Variants in ZNF710 observed in about 807,000 individuals in gnomAD.
ZNF710 encodes the protein zinc finger protein 710.
Under a neutral mutation model 50.6 loss-of-function variants are expected in ZNF710, and 13 were observed. The ratio of observed to expected loss-of-function variants is 0.26; its 90% CI spans 0.17 to 0.41. ZNF710 has a LOEUF of 0.41. Ranked by LOEUF, ZNF710 falls within the 10% of genes least tolerant of loss-of-function variation. The pLI is 1.00. For missense variants in ZNF710, 721 were observed against 936.6 expected, an observed-to-expected ratio of 0.77 and a Z score of 3.01; for synonymous variants, 383 against 397.0, an observed-to-expected ratio of 0.96 and a Z score of 0.42.
intron 1 of ZNF710, among the ~76,000 whole-genome samples, chr15:90,058,876 C>G (rs1354136010): frequency 1.3e-5 from 2 of 152,128 alleles, no homozygotes; most frequent in Non-Finnish European, 2.9e-5. Context: ...AATTCTTTCT[C>G]TGGGAAGCCT....
chr15:90,044,136 A>T (rs2151499086), intron 1 of ZNF710, among the ~76,000 whole-genome samples: 2 of 152,234 alleles, frequency 1.3e-5, no homozygotes, highest in South Asian at 4.1e-4. Context: ...TTAAAGAGGG[A>T]AGGGTGTTTG....
intron 1 of ZNF710, among the ~76,000 whole-genome samples, chr15:90,041,722 C>T (rs1440287324): frequency 5.9e-5 from 9 of 151,938 alleles, no homozygotes; most frequent in Admixed American, 2.0e-4. Context: ...AGGGCAGGAC[C>T]GAGTCTTGTG....
chr15:90,001,804 C>T (rs996150550), intron 1 of ZNF710, among the ~76,000 whole-genome samples, 190 bp downstream of exon 1: 1 of 146,408 alleles, frequency 6.8e-6, no homozygotes, highest in Non-Finnish European at 1.5e-5. Context: ...CTTTTCCTTT[C>T]ACTTCCACAT....
intron 1 of ZNF710, among the ~76,000 whole-genome samples, chr15:90,048,549 G>T (rs563415761): frequency 6.6e-6 from 1 of 152,306 alleles, no homozygotes; most frequent in East Asian, 1.9e-4. Context: ...GCAGGGTGGG[G>T]GTCCCATTCT....
In ZNF710 at chr15:90,011,810, T is replaced by A. The variant is rs1287286179; in HGVS notation, c.-29+10196T>A. On this transcript the variant is annotated intron_variant, in intron 1 of 4. Coordinates refer to ENST00000268154, the MANE Select transcript of ZNF710 (RefSeq NM_198526.4). ...TATATAATAATGGCTTCATCCTTAC[T>A]CTTAAAAGATAGTTTTGCTGGGTAT... is the stretch of plus-strand genomic sequence containing the variant. 2.0e-5 allele frequency among the ~76,000 whole-genome samples: 3 copies of A among 152,320 alleles called. No homozygotes were observed. The East Asian group carries it at 5.8e-4, about 29-fold the overall frequency.
intron 3 of ZNF710, 41 bp downstream of exon 3, chr15:90,073,303 G>C (rs1048787380): frequency 9.4e-6 from 15 of 1,592,238 alleles, no homozygotes; most frequent in Non-Finnish European, 1.2e-5. Flanking sequence ...CCTCCCCGAG[G>C]GTGGTCTGGA....
At chr15:90,003,117 G>C (rs1898056694) in intron 1 of ZNF710, among the ~76,000 whole-genome samples, 1 of 152,068 alleles carries the variant, frequency 6.6e-6, no homozygotes, top group African/African-American at 2.4e-5. Context: ...CTCGTGATCC[G>C]CCCGCCCCGG....
intron 1 of ZNF710, among the ~76,000 whole-genome samples, chr15:90,046,667 C>T (rs903868483): frequency 7.2e-5 from 11 of 152,036 alleles, no homozygotes; most frequent in South Asian, 4.1e-4. Context: ...TCTGAAGCCC[C>T]GTGATATGGT....
intron 1 of ZNF710, among the ~76,000 whole-genome samples, chr15:90,019,593 C>T (rs1445099390): frequency 6.6e-6 from 1 of 152,208 alleles, no homozygotes; most frequent in Admixed American, 6.5e-5. Context: ...ACCTCTGTTT[C>T]CTAATGTTTC....
rs1900055503 is a variant in ZNF710 at position 90,062,924 on chromosome 15, AAG to A, written c.-28-4181_-28-4180del. ...GGGGCCTGCCCCCATAAGCCTCACAAAGAGAGCATTACAGGGTGGTGTGTGTT... is the reference window on the plus strand; with the variant it reads ...GGGGCCTGCCCCCATAAGCCTCACAAAGAGCATTACAGGGTGGTGTGTGTT... On this transcript the variant is annotated intron_variant, in intron 1 of 4. Coordinates refer to ENST00000268154, the MANE Select transcript of ZNF710 (RefSeq NM_198526.4). This position sits in a 1 kb window ranked among gnomAD's most constrained non-coding sequence, Gnocchi z 5.6. Among the ~76,000 whole-genome samples the A allele has an allele frequency of 6.6e-6, 1 of 152,150 alleles. No individual in the cohort carries two copies. The highest frequency in any genetic ancestry group is 1.5e-5 in the Non-Finnish European group (1 of 68,020).
chr15:90,053,216 G>T (rs1034912094), intron 1 of ZNF710, among the ~76,000 whole-genome samples: 17 of 152,202 alleles, frequency 1.1e-4, no homozygotes, highest in African/African-American at 1.7e-4. Context: ...AGGGAGCTGG[G>T]CACCCTGAGC....
chr15:90,067,036 T>C lies in ZNF710; in HGVS notation c.-28-74T>C. 6.8e-7 allele frequency: 1 copy of C among 1,472,476 alleles called. No individual in the cohort carries two copies. The allele number at this position is 1,472,476 out of a possible 1,614,324, so 91.2% of individuals were successfully genotyped here. On this transcript the variant is annotated intron_variant, in intron 1 of 4. Transcript: ENST00000268154. This position sits in a 1 kb window ranked among gnomAD's most constrained non-coding sequence, Gnocchi z 8.1. ...ACACACCCAAAATCAGCCAAGCCCT[T>C]GTCTGTGCTGTGTCTGTTGTCTGTC...
At chr15:90,052,889 C>T (rs900812307) in intron 1 of ZNF710, among the ~76,000 whole-genome samples, 2 of 152,138 alleles carry the variant, frequency 1.3e-5, no homozygotes, top group African/African-American at 2.4e-5. Flanking sequence ...GCTGAGATGG[C>T]GCCACTGCAC....
intron 2 of ZNF710, among the ~76,000 whole-genome samples, chr15:90,069,047 G>A (rs1239488257): frequency 2.0e-5 from 3 of 152,066 alleles, no homozygotes; most frequent in African/African-American, 7.2e-5. Context: ...TGCCAATGTG[G>A]TGAAACCCTG....
chr15:90,078,771 C>T (rs1390989496), intron 4 of ZNF710, among the ~76,000 whole-genome samples: 1 of 152,160 alleles, frequency 6.6e-6, no homozygotes, highest in African/African-American at 2.4e-5. Context: ...CTGCCTTAGA[C>T]CTGTCAGGGC....
At chr15:90,003,064 C>G (rs371699038) in intron 1 of ZNF710, among the ~76,000 whole-genome samples, 1 of 152,132 alleles carries the variant, frequency 6.6e-6, no homozygotes, top group African/African-American at 2.4e-5. Flanking sequence ...TTAGGAGAGA[C>G]GGGGTTTCAC....
In ZNF710 at chr15:90,022,886, T is replaced by C. The variant is rs917967114; in HGVS notation, c.-29+21272T>C. On this transcript the variant is annotated intron_variant, in intron 1 of 4. Transcript: ENST00000268154. ...GCATGTTCTTAATACATATTTATAG[T>C]TACTGAATCCATTTGAGAATGTAGA... is the stretch of plus-strand genomic sequence containing the variant. Among the ~76,000 whole-genome samples the C allele has an allele frequency of 5.9e-5, 9 of 152,358 alleles. No individual in the cohort carries two copies. The East Asian group carries it at 1.7e-3, about 29-fold the overall frequency.
At chr15:90,049,025 T>G (rs1899555398) in intron 1 of ZNF710, among the ~76,000 whole-genome samples, 2 of 152,200 alleles carry the variant, frequency 1.3e-5, no homozygotes, top group Non-Finnish European at 2.9e-5. Context: ...CACTCCTTCA[T>G]GGGATTTAGA....
At chr15:90,075,112 A>G (rs1567247272) in intron 4 of ZNF710, 1 of 154,118 alleles carries the variant, frequency 6.5e-6, no homozygotes, top group Non-Finnish European at 1.4e-5. Context: ...GTTGGGTGAC[A>G]GCAAAGCTGT....
Sources: gnomAD v4.1 joint callset for allele counts (sites outside exome capture counted in the v4.1 genomes callset) on GRCh38, gnomAD v4.1.1 for gene constraint, Gnocchi (gnomAD v3.1) non-coding constraint, MANE v1.5 for transcripts, NCBI Gene and HGNC (gene_info 2026-07-23, HGNC 2026-07-21) for gene names.